Variants in VMP1 observed in about 807,000 individuals in gnomAD.
VMP1 encodes ectopic P-granules autophagy protein 3 homolog.
In VMP1, 11 loss-of-function variants were observed where a neutral mutation model predicts 56.0. The ratio of observed to expected loss-of-function variants is 0.20; its 90% confidence interval spans 0.12 to 0.32. VMP1 has a LOEUF of 0.32. VMP1 is among the 10% of genes least tolerant of loss of function. The pLI is 1.00. For synonymous variants in VMP1, 149 were observed against 165.0 expected (o/e 0.90, Z 0.74); for missense variants, 296 against 490.3 (o/e 0.60, Z 3.74).
intron 2 of VMP1, among the ~76,000 whole-genome samples, chr17:59,732,761 C>T (rs1329168333): frequency 6.6e-6 from 1 of 152,124 alleles, no homozygotes; most frequent in Admixed American, 6.5e-5. Context: ...GTATATTCTT[C>T]CTCTTCTGCT....
At chr17:59,831,552 T>G (rs2038805156) in intron 10 of VMP1, among the ~76,000 whole-genome samples, 1 of 152,066 alleles carries the variant, frequency 6.6e-6, no homozygotes, top group African/African-American at 2.4e-5. Context: ...AATAATAGAT[T>G]TTGTTTGCAA....
At chr17:59,727,514 A>G (rs2034655409) in intron 1 of VMP1, among the ~76,000 whole-genome samples, 1 of 152,134 alleles carries the variant, frequency 6.6e-6, no homozygotes, top group Admixed American at 6.5e-5. Flanking sequence ...CCATTCTGTT[A>G]TAATTGATTT....
At chr17:59,796,026 T>C (rs2037428033) in intron 7 of VMP1, among the ~76,000 whole-genome samples, 1 of 152,202 alleles carries the variant, frequency 6.6e-6, no homozygotes, top group Non-Finnish European at 1.5e-5. Context: ...TTGTATTGTT[T>C]CTCTCTATAG....
intron 10 of VMP1, among the ~76,000 whole-genome samples, chr17:59,818,259 C>T (rs1485060245): frequency 6.6e-6 from 1 of 151,892 alleles, no homozygotes; most frequent in Non-Finnish European, 1.5e-5. Context: ...CCCAGCTGCT[C>T]AGGAGGCTGA....
intron 10 of VMP1, among the ~76,000 whole-genome samples, chr17:59,836,269 G>A (rs192653681): frequency 1.1e-4 from 16 of 150,690 alleles, no homozygotes; most frequent in South Asian, 2.1e-4. Flanking sequence ...CTCTGTCACC[G>A]AGGCTGGAGT....
At chr17:59,833,640 T>A (rs1015872753) in intron 10 of VMP1, among the ~76,000 whole-genome samples, 4 of 152,258 alleles carry the variant, frequency 2.6e-5, no homozygotes, top group African/African-American at 9.6e-5. Context: ...CAAGATAAGT[T>A]ATACATCATG....
At chr17:59,756,482 A>G (rs533140578) in intron 5 of VMP1, among the ~76,000 whole-genome samples, 6 of 152,360 alleles carry the variant, frequency 3.9e-5, no homozygotes, top group Admixed American at 1.3e-4. Flanking sequence ...CTTTCCAGAC[A>G]AAACTAATTG....
intron 1 of VMP1, among the ~76,000 whole-genome samples, chr17:59,710,299 TA>T (rs1480821556): frequency 6.6e-6 from 1 of 152,218 alleles, no homozygotes; most frequent in Non-Finnish European, 1.5e-5. Flanking sequence ...AGGAGAAAAT[TA>T]AGGCTCAGAA....
intron 5 of VMP1, among the ~76,000 whole-genome samples, chr17:59,751,761 A>AG (rs2035658150): frequency 6.6e-6 from 1 of 151,464 alleles, no homozygotes; most frequent in African/African-American, 2.4e-5. Context: ...AAAAAAAAAA[A>AG]AAAAAAAGTC....
At chr17:59,801,353 C>T (rs1368706630) in intron 7 of VMP1, among the ~76,000 whole-genome samples, 1 of 151,418 alleles carries the variant, frequency 6.6e-6, no homozygotes, top group African/African-American at 2.4e-5. Context: ...TCTGGCAATC[C>T]TCCTGCCTCA....
chr17:59,813,459 C>T (rs1300340727), intron 9 of VMP1, among the ~76,000 whole-genome samples: 1 of 151,950 alleles, frequency 6.6e-6, no homozygotes, highest in Non-Finnish European at 1.5e-5. Context: ...TGCCTGTAAT[C>T]CCAGCTACTC....
At position 59,841,191 on chromosome 17, in the gene VMP1, GT is replaced by G. The variant is rs1043613187; in HGVS notation, c.*1287del. ...GTTTTTTTGGTTTGTTTTTGTTTTT[GT>G]TTTTTTATCAAATCCTGCCTGACTG... On this transcript the variant is annotated 3_prime_UTR_variant, in exon 12 of 12. Transcript: ENST00000262291. 2 of 413,440 alleles carry G rather than the reference GT, an allele frequency of 4.8e-6. No individual in the cohort carries two copies. The highest frequency in any genetic ancestry group is 1.1e-5 in the Non-Finnish European group (2 of 186,862). The allele number at this position is 413,440 out of a possible 1,614,324, so 25.6% of individuals were successfully genotyped here. A position where few individuals can be genotyped will look rare whatever the true frequency, so the allele number is the denominator to read the frequency against.
At position 59,823,864 on chromosome 17, in the gene VMP1, T is replaced by G. The variant is rs1477755369; in HGVS notation, c.974+6091T>G. Among the ~76,000 whole-genome samples, 3 of 151,954 alleles carry G rather than the reference T, an allele frequency of 2.0e-5. No individual in the cohort carries two copies. In the East Asian group the frequency reaches 5.8e-4, roughly 29 times the overall value. On this transcript the variant is annotated intron_variant, in intron 10 of 11. Transcript: ENST00000262291. ...CTTGCAGTCACAAATAAAGGAGAGATAACTTGTCATGGTAGAGAACAAAAT... is the reference window on the plus strand; with the variant it reads ...CTTGCAGTCACAAATAAAGGAGAGAGAACTTGTCATGGTAGAGAACAAAAT...
chr17:59,780,706 C>T (rs2036790980), intron 7 of VMP1, among the ~76,000 whole-genome samples: 1 of 152,148 alleles, frequency 6.6e-6, no homozygotes, highest in South Asian at 2.1e-4. Flanking sequence ...CTTGCCTCAG[C>T]CTCACAAGTA....
intron 3 of VMP1, 21 bp from the exon 4 acceptor site, chr17:59,737,432 T>C: frequency 6.3e-7 from 1 of 1,586,448 alleles, no homozygotes; most frequent in Non-Finnish European, 8.6e-7. Context: ...GAGATATTTA[T>C]TTTTTTTATT....
rs2034987713 is a variant in VMP1 at position 59,735,556 on chromosome 17, C to A, written c.212+83C>A. Reference sequence around the variant, plus strand: ...CCTCAGTAATCTCTTACTTTCTGCCCTCTACTCCATCAAAATGGATTAATT... The same window carrying A: ...CCTCAGTAATCTCTTACTTTCTGCCATCTACTCCATCAAAATGGATTAATT... On this transcript the variant is annotated intron_variant, in intron 3 of 11. Coordinates refer to ENST00000262291, the MANE Select transcript of VMP1 (RefSeq NM_030938.5). The A allele has an allele frequency of 9.8e-6, 14 of 1,432,048 alleles. No individual in the cohort carries two copies. In the East Asian group the frequency reaches 3.2e-4, roughly 33 times the overall value. The allele number at this position is 1,432,048 out of a possible 1,614,324, so 88.7% of individuals were successfully genotyped here.
intron 7 of VMP1, among the ~76,000 whole-genome samples, chr17:59,794,995 C>CTTTTTT (rs59397471): frequency 2.1e-4 from 26 of 121,184 alleles, no homozygotes; most frequent in Non-Finnish European, 3.6e-4. Flanking sequence ...CAGATTTGAT[C>CTTTTTT]TTTTTTTTTT....
intron 8 of VMP1, among the ~76,000 whole-genome samples, chr17:59,809,464 A>AC (rs2047279865): frequency 8.1e-6 from 1 of 123,080 alleles, no homozygotes; most frequent in African/African-American, 3.4e-5. Flanking sequence ...ATTTCAGGCG[A>AC]CTGCCACCAC....
intron 7 of VMP1, among the ~76,000 whole-genome samples, chr17:59,784,389 G>T (rs1242220008): frequency 6.6e-6 from 1 of 151,824 alleles, no homozygotes; most frequent in Non-Finnish European, 1.5e-5. Flanking sequence ...GCTTCTTTGT[G>T]AACTATTTTA....
Sources: gnomAD v4.1 joint callset for allele counts (sites outside exome capture counted in the v4.1 genomes callset) on GRCh38, gnomAD v4.1.1 for gene constraint, MANE v1.5 for transcripts, NCBI Gene and HGNC (gene_info 2026-07-23, HGNC 2026-07-21) for gene names.